Variants in THSD7B observed in about 807,000 individuals in gnomAD.
THSD7B encodes the protein thrombospondin type-1 domain-containing protein 7B.
Under a neutral mutation model 213.6 loss-of-function variants are expected in THSD7B, and 138 were observed. The ratio of observed to expected loss-of-function variants is 0.65; its 90% CI spans 0.56 to 0.74. THSD7B has a LOEUF of 0.74. Ranked by LOEUF, THSD7B falls within the 30% of genes least tolerant of loss-of-function variation. The pLI is 0.00. For missense variants in THSD7B, 1,931 were observed against 1,991.5 expected, an observed-to-expected ratio of 0.97 and a Z score of 0.58; for synonymous variants, 742 against 687.0, an observed-to-expected ratio of 1.08 and a Z score of -1.25.
At chr2:137,434,579 T>C (rs556492705) in intron 14 of THSD7B, among the ~76,000 whole-genome samples, 1 of 152,350 alleles carries the variant, frequency 6.6e-6, no homozygotes, top group African/African-American at 2.4e-5. Context: ...CACGAGCTCA[T>C]GGCTCCTTTC....
intron 2 of THSD7B, among the ~76,000 whole-genome samples, chr2:136,898,577 C>A (rs1327977956): frequency 1.8e-5 from 2 of 112,414 alleles, no homozygotes; most frequent in Non-Finnish European, 4.4e-5. Context: ...CCTTGTCCCC[C>A]CGCCCCCCCG....
chr2:137,505,762 G>A (rs1330438829), intron 15 of THSD7B, among the ~76,000 whole-genome samples: 1 of 152,194 alleles, frequency 6.6e-6, no homozygotes, highest in African/African-American at 2.4e-5. Context: ...CAAGAGGAGG[G>A]GCACTCCATG....
rs145241677 is a variant in THSD7B at position 137,568,129 on chromosome 2, T to C, written c.3273-4277T>C. 3.3e-5 allele frequency among the ~76,000 whole-genome samples: 5 copies of C among 149,780 alleles called. No homozygotes were observed. The East Asian group carries it at 7.7e-4, about 23-fold the overall frequency. On this transcript the variant is annotated intron_variant, in intron 16 of 27. Coordinates refer to ENST00000409968, the MANE Select transcript of THSD7B (RefSeq NM_001316349.2). The stretch of plus-strand genomic sequence containing the variant: ...AGTTTGGCAATGGGGAGTTTGTTGA[T>C]GATCTCACTAAGAGGTTTCTCTGGA...
intron 2 of THSD7B, among the ~76,000 whole-genome samples, chr2:136,947,637 A>C (rs1684968035): frequency 6.6e-6 from 1 of 152,194 alleles, no homozygotes; most frequent in Non-Finnish European, 1.5e-5. Flanking sequence ...CGTCCCTGCA[A>C]AAAAGCTCTT....
chr2:137,408,889 G>A (rs970860394), intron 13 of THSD7B, among the ~76,000 whole-genome samples: 8 of 152,186 alleles, frequency 5.3e-5, no homozygotes, highest in South Asian at 2.1e-4. Flanking sequence ...AGAAGTAGGC[G>A]TTAGCTAGCC....
intron 1 of THSD7B, among the ~76,000 whole-genome samples, chr2:136,859,591 T>C (rs1683228635): frequency 6.6e-6 from 1 of 152,072 alleles, no homozygotes; most frequent in Non-Finnish European, 1.5e-5. Context: ...AGTGATCAAA[T>C]AAGATGAGAT....
intron 2 of THSD7B, among the ~76,000 whole-genome samples, chr2:137,055,708 G>A (rs1687149941): frequency 6.6e-6 from 1 of 152,168 alleles, no homozygotes; most frequent in Non-Finnish European, 1.5e-5. Context: ...AAATCAAAAT[G>A]AGTACACTTC....
intron 12 of THSD7B, among the ~76,000 whole-genome samples, chr2:137,389,655 C>T (rs966239250): frequency 2.0e-5 from 3 of 151,302 alleles, no homozygotes; most frequent in African/African-American, 7.3e-5. Context: ...AGACCAATGT[C>T]CAGAAAAGTT....
At position 137,620,686 on chromosome 2, in the gene THSD7B, G is replaced by A. The variant is rs1456031418; in HGVS notation, c.3759G>A (p.Trp1253Ter). The change falls in exon 20 of 28, where the codon TGG becomes TGA. Residue 1253 changes from tryptophan to a stop codon, truncating the protein, a stop_gained. Transcript: ENST00000409968. LOFTEE classifies it high-confidence loss of function. ...TGGTCAACTGTCAGCTCTCAGGGTGGACGGCTTGGACAGAGTGTTCACAGA... is the reference window on the plus strand; with the variant it reads ...TGGTCAACTGTCAGCTCTCAGGGTGAACGGCTTGGACAGAGTGTTCACAGA... ...ECVVNCQLSG[W>*]TAWTECSQTC... 18 of 1,613,944 alleles carry A rather than the reference G, an allele frequency of 1.1e-5. No homozygotes were observed. The highest frequency in any genetic ancestry group is 1.5e-5 in the Non-Finnish European group (18 of 1,179,822).
At chr2:136,770,869 A>C (rs926340656) in intron 1 of THSD7B, among the ~76,000 whole-genome samples, 4 of 151,988 alleles carry the variant, frequency 2.6e-5, no homozygotes, top group African/African-American at 9.7e-5. Flanking sequence ...AGGTATCAAA[A>C]CCCCTTTCAT....
intron 17 of THSD7B, among the ~76,000 whole-genome samples, chr2:137,610,269 A>G (rs1204577512): frequency 2.0e-5 from 3 of 152,106 alleles, no homozygotes; most frequent in Non-Finnish European, 4.4e-5. Context: ...ATGGGACCCA[A>G]TAATTTGTAT....
chr2:136,872,814 C>CAAAAAAGA (rs1683455652), intron 1 of THSD7B, among the ~76,000 whole-genome samples: 1 of 65,540 alleles, frequency 1.5e-5, no homozygotes, highest in Non-Finnish European at 2.7e-5. Context: ...ACTGAAAATA[C>CAAAAAAGA]AAAAAAAAAA....
At chr2:137,389,670 CTAGG>C (rs1685976995) in intron 12 of THSD7B, among the ~76,000 whole-genome samples, 1 of 151,012 alleles carries the variant, frequency 6.6e-6, no homozygotes, top group Non-Finnish European at 1.5e-5. Context: ...AAAGTTTTCC[CTAGG>C]TTTTCATCTA....
intron 15 of THSD7B, among the ~76,000 whole-genome samples, chr2:137,463,492 G>A (rs1312668779): frequency 6.6e-6 from 1 of 151,216 alleles, no homozygotes; most frequent in Non-Finnish European, 1.5e-5. Flanking sequence ...ATAACATGCT[G>A]CCCCTACCTT....
At chr2:137,242,811 A>G (rs1681942245) in intron 10 of THSD7B, among the ~76,000 whole-genome samples, 1 of 152,172 alleles carries the variant, frequency 6.6e-6, no homozygotes, top group Non-Finnish European at 1.5e-5. Context: ...GCATTGCAGG[A>G]GTATTCATCT....
chr2:137,260,255 A>G (rs1470900027), intron 10 of THSD7B, among the ~76,000 whole-genome samples: 1 of 152,202 alleles, frequency 6.6e-6, no homozygotes, highest in Non-Finnish European at 1.5e-5. Flanking sequence ...ATATATTACT[A>G]TGATATTAAA....
At chr2:137,339,190 G>A (rs1030273306) in intron 12 of THSD7B, among the ~76,000 whole-genome samples, 18 of 151,926 alleles carry the variant, frequency 1.2e-4, no homozygotes, top group Admixed American at 4.6e-4. Flanking sequence ...TTGGAGTCCC[G>A]TGCCATTAGA....
intron 7 of THSD7B, among the ~76,000 whole-genome samples, chr2:137,191,887 T>A (rs1367369452): frequency 6.6e-6 from 1 of 152,210 alleles, no homozygotes; most frequent in Non-Finnish European, 1.5e-5. Context: ...TTTTATGGCT[T>A]CATTGTATCA....
At chr2:136,809,180 C>T (rs1682336373) in intron 1 of THSD7B, among the ~76,000 whole-genome samples, 1 of 152,068 alleles carries the variant, frequency 6.6e-6, no homozygotes, top group Non-Finnish European at 1.5e-5. Context: ...AAGGCAGGGT[C>T]TAGGAATCTG....
Sources: gnomAD v4.1 joint callset for allele counts (sites outside exome capture counted in the v4.1 genomes callset) on GRCh38, gnomAD v4.1.1 for gene constraint, MANE v1.5 for transcripts, NCBI Gene and HGNC (gene_info 2026-07-23, HGNC 2026-07-21) for gene names.